CNTNAP2: variants seen among roughly 807,000 people sequenced by gnomAD.
The protein encoded by CNTNAP2 is contactin associated protein 2, also known as contactin-associated protein-like 2.
CNTNAP2 carries 98 observed loss-of-function variants against 155.2 expected under a neutral mutation model. That is an observed-to-expected ratio of 0.63 (90% CI 0.54 to 0.75). The LOEUF (loss-of-function observed/expected upper bound fraction) is 0.75, where lower values mean the gene tolerates loss of function less well. Among genes scored for constraint, CNTNAP2 ranks in the 30% least tolerant of loss-of-function variants. CNTNAP2 has a pLI of 0.00. For synonymous variants in CNTNAP2, 651 were observed against 631.2 expected (o/e 1.03, Z -0.47); for missense variants, 1,727 against 1,688.1 (o/e 1.02, Z -0.40).
At chr7:147,302,566 A>G (rs946055801) in intron 9 of CNTNAP2, among the ~76,000 whole-genome samples, 1 of 152,242 alleles carries the variant, frequency 6.6e-6, no homozygotes, top group Non-Finnish European at 1.5e-5. Flanking sequence ...GAATCATGAG[A>G]AGAACTCATT....
At chr7:146,395,349 A>G (rs891619172) in intron 1 of CNTNAP2, among the ~76,000 whole-genome samples, 11 of 152,106 alleles carry the variant, frequency 7.2e-5, no homozygotes, top group Non-Finnish European at 2.9e-5. Flanking sequence ...CACCAGAAGC[A>G]GAGGGAAGGG....
intron 21 of CNTNAP2, among the ~76,000 whole-genome samples, chr7:148,279,929 T>G (rs1163402538): frequency 6.6e-6 from 1 of 152,098 alleles, no homozygotes; most frequent in East Asian, 1.9e-4. Flanking sequence ...TGACAAAATT[T>G]TACAATTGAG....
In CNTNAP2 at chr7:148,420,011, G is replaced by C. The variant is rs1257884899; in HGVS notation, c.*4395G>C. On this transcript the variant is annotated 3_prime_UTR_variant, in exon 24 of 24. Coordinates refer to ENST00000361727, the MANE Select transcript of CNTNAP2 (RefSeq NM_014141.6). ...AGCCTAGTGAAAGACTTACTTTGTG[G>C]CTTGTGGTTGAAAGTCACATCAAAA... is the stretch of plus-strand genomic sequence containing the variant. The C allele has an allele frequency of 6.6e-6, 1 of 152,160 alleles. No homozygotes were observed. The highest frequency in any genetic ancestry group is 2.4e-5 in the African/African-American group (1 of 41,428). The allele number at this position is 152,160 out of a possible 1,614,324, so 9.4% of individuals were successfully genotyped here.
chr7:146,917,754 T>A (rs1429417511), intron 3 of CNTNAP2, among the ~76,000 whole-genome samples: 3 of 151,828 alleles, frequency 2.0e-5, no homozygotes, highest in African/African-American at 7.3e-5. Context: ...TAAAAGGGAG[T>A]TTTCCTGTAC....
intron 1 of CNTNAP2, among the ~76,000 whole-genome samples, chr7:146,203,887 C>G (rs902071064): frequency 1.1e-4 from 16 of 152,116 alleles, no homozygotes; most frequent in African/African-American, 3.9e-4. Context: ...ACACCAAATT[C>G]TGAAATTGAA....
intron 1 of CNTNAP2, among the ~76,000 whole-genome samples, chr7:146,137,482 A>G (rs1797814389): frequency 6.6e-6 from 1 of 152,070 alleles, no homozygotes; most frequent in Non-Finnish European, 1.5e-5. Flanking sequence ...CTGCAACACA[A>G]AGAAATATTT....
rs73471003 is a variant in CNTNAP2, at chr7:147,110,209, G to A, written c.754+1859G>A. ...CAAAGTGCTGGGATTACAAGCCACC[G>A]TGCCTGGCCCTGTTGTTGTTTTTAA... is the stretch of plus-strand genomic sequence containing the variant. On this transcript the variant is annotated intron_variant, in intron 5 of 23. Transcript: ENST00000361727. 6.0e-3 allele frequency among the ~76,000 whole-genome samples: 917 copies of A among 152,246 alleles called. 9 individuals are homozygous for A. The highest frequency in any genetic ancestry group is 0.021 in the African/African-American group (871 of 41,530).
At chr7:146,147,528 A>C (rs1797974342) in intron 1 of CNTNAP2, among the ~76,000 whole-genome samples, 1 of 152,130 alleles carries the variant, frequency 6.6e-6, no homozygotes, top group Admixed American at 6.6e-5. Flanking sequence ...TAAAGTAGGA[A>C]GCCTACCCAC....
At chr7:146,678,699 A>T (rs1195866785) in intron 1 of CNTNAP2, among the ~76,000 whole-genome samples, 2 of 152,160 alleles carry the variant, frequency 1.3e-5, no homozygotes, top group Non-Finnish European at 2.9e-5. Flanking sequence ...TTATGAAATC[A>T]TCTAATTAAT....
At chr7:147,943,959 C>T (rs937538892) in intron 14 of CNTNAP2, among the ~76,000 whole-genome samples, 5 of 151,996 alleles carry the variant, frequency 3.3e-5, no homozygotes, top group African/African-American at 9.7e-5. Flanking sequence ...CTCTAGCTAG[C>T]ATCTCCATCG....
At chr7:147,778,580 A>G (rs1002189256) in intron 13 of CNTNAP2, among the ~76,000 whole-genome samples, 1 of 152,242 alleles carries the variant, frequency 6.6e-6, no homozygotes, top group Non-Finnish European at 1.5e-5. Flanking sequence ...AGTTTCATGG[A>G]GGCCACAGCT....
At chr7:147,220,505 T>C (rs561252364) in intron 8 of CNTNAP2, among the ~76,000 whole-genome samples, 3 of 152,336 alleles carry the variant, frequency 2.0e-5, no homozygotes, top group African/African-American at 4.8e-5. Context: ...TGTAATAATA[T>C]CTACCAGCAT....
At chr7:146,246,637 G>GC (rs1799662409) in intron 1 of CNTNAP2, among the ~76,000 whole-genome samples, 1 of 151,568 alleles carries the variant, frequency 6.6e-6, no homozygotes, top group Admixed American at 6.5e-5. Context: ...CGATCCGACA[G>GC]CATCAGTCTT....
chr7:146,705,127 C>T (rs1800941050), intron 1 of CNTNAP2, among the ~76,000 whole-genome samples: 2 of 151,976 alleles, frequency 1.3e-5, no homozygotes, highest in South Asian at 4.1e-4. Context: ...TTGCTAATGC[C>T]GTGATGAGAG....
At chr7:146,802,789 G>C (rs1249527240) in intron 2 of CNTNAP2, among the ~76,000 whole-genome samples, 3 of 152,132 alleles carry the variant, frequency 2.0e-5, no homozygotes, top group Non-Finnish European at 2.9e-5. Flanking sequence ...ATTGAGAACA[G>C]ACTAATATAA....
At chr7:147,562,344 C>T (rs529612959) in intron 12 of CNTNAP2, 87 bp downstream of exon 12, 6 of 1,553,612 alleles carry the variant, frequency 3.9e-6, no homozygotes, top group Middle Eastern at 4.5e-4. Context: ...TTCTTTGGTG[C>T]TATGTTTTTA....
intron 3 of CNTNAP2, among the ~76,000 whole-genome samples, chr7:146,937,358 A>C (rs372561754): frequency 5.7e-4 from 76 of 134,234 alleles, no homozygotes; most frequent in African/African-American, 1.9e-3. Context: ...TCTCAAAAAA[A>C]AAAATAAAAA....
At chr7:146,491,208 T>A (rs1404604195) in intron 1 of CNTNAP2, among the ~76,000 whole-genome samples, 3 of 152,120 alleles carry the variant, frequency 2.0e-5, no homozygotes, top group Non-Finnish European at 1.5e-5. Context: ...CAAGAACACT[T>A]CAGTGGCATT....
chr7:146,350,296 A>G (rs543429935), intron 1 of CNTNAP2, among the ~76,000 whole-genome samples: 1 of 152,282 alleles, frequency 6.6e-6, no homozygotes, highest in South Asian at 2.1e-4. Flanking sequence ...AAGGGCTAAT[A>G]TCTAGAATCT....
Sources: gnomAD v4.1 joint callset for allele counts (sites outside exome capture counted in the v4.1 genomes callset) on GRCh38, gnomAD v4.1.1 for gene constraint, MANE v1.5 for transcripts, NCBI Gene and HGNC (gene_info 2026-07-23, HGNC 2026-07-21) for gene names.